Variants in CD2AP observed in about 807,000 individuals in gnomAD.
The protein encoded by CD2AP is CD2 associated protein.
A neutral mutation model predicts 85.1 loss-of-function variants in CD2AP; 46 were observed. The observed-to-expected ratio is 0.54, with a 90% CI of 0.43 to 0.69. The LOEUF is 0.69. CD2AP is among the 30% of genes least tolerant of loss of function. The probability of loss-of-function intolerance (pLI) is 0.00; values close to 1 mark genes in which losing one functional copy is unlikely to be tolerated. For synonymous variants in CD2AP, 255 were observed against 252.9 expected, an observed-to-expected ratio of 1.01 and a Z score of -0.08; for missense variants, 769 against 729.5, an observed-to-expected ratio of 1.05 and a Z score of -0.62.
At chr6:47,586,873 G>A (rs889389533) in intron 11 of CD2AP, among the ~76,000 whole-genome samples, 1 of 152,074 alleles carries the variant, frequency 6.6e-6, no homozygotes, top group Non-Finnish European at 1.5e-5. Flanking sequence ...GGAGTTTTAG[G>A]GTAGATATGA....
intron 11 of CD2AP, among the ~76,000 whole-genome samples, chr6:47,589,416 A>G (rs1206548062): frequency 6.6e-6 from 1 of 151,216 alleles, no homozygotes; most frequent in Admixed American, 6.6e-5. Context: ...ACACACATAT[A>G]TATACACAAA....
At chr6:47,554,163 G>A (rs1339097115) in intron 4 of CD2AP, among the ~76,000 whole-genome samples, 2 of 151,986 alleles carry the variant, frequency 1.3e-5, no homozygotes, top group Admixed American at 6.6e-5. Context: ...TGCCTACCTT[G>A]GGCTCTCAAA....
intron 2 of CD2AP, among the ~76,000 whole-genome samples, chr6:47,509,887 C>A (rs982850805): frequency 6.6e-6 from 1 of 151,870 alleles, no homozygotes; most frequent in Non-Finnish European, 1.5e-5. Context: ...TATAGAACAC[C>A]GATTTCAAAA....
At chr6:47,559,013 G>T (rs1162089966) in intron 5 of CD2AP, among the ~76,000 whole-genome samples, 8 of 152,076 alleles carry the variant, frequency 5.3e-5, no homozygotes, top group Admixed American at 5.2e-4. Flanking sequence ...CTTGTTATTG[G>T]TCTATTCAGG....
intron 1 of CD2AP, among the ~76,000 whole-genome samples, chr6:47,495,921 A>C (rs185521943): frequency 6.6e-6 from 1 of 152,312 alleles, no homozygotes; most frequent in South Asian, 2.1e-4. Context: ...ATACCATACA[A>C]GGATCTTGGA....
At chr6:47,599,534 A>G in intron 13 of CD2AP, 91 bp downstream of exon 13, 1 of 1,042,356 alleles carries the variant, frequency 9.6e-7, no homozygotes, top group Non-Finnish European at 1.4e-6. Context: ...TTGTGTGTGG[A>G]TAAAGTTGGA....
At chr6:47,568,126 G>A (rs1294194636) in intron 5 of CD2AP, among the ~76,000 whole-genome samples, 2 of 152,144 alleles carry the variant, frequency 1.3e-5, no homozygotes, top group African/African-American at 4.8e-5. Context: ...CTGCTACCAG[G>A]TTTTTGGCTT....
intron 2 of CD2AP, 114 bp downstream of exon 2, chr6:47,503,554 A>G: frequency 1.0e-6 from 1 of 980,440 alleles, no homozygotes; most frequent in Non-Finnish European, 1.6e-6. Flanking sequence ...TTTTCTTTGT[A>G]ACATTTAAGA....
chr6:47,533,659 C>T lies in CD2AP; in HGVS notation c.223C>T (p.His75Tyr). ...DDSLPIKRER[H>Y]GNVASLVQRI... ...CAGTTTGCCCATCAAACGGGAAAGG[C>T]ATGGGAATGTAGCAAGTCTTGTACA... The change falls in exon 3 of 18, where the codon CAT becomes TAT. Residue 75 changes from histidine to tyrosine, a missense_variant. Transcript: ENST00000359314. The T allele has an allele frequency of 6.2e-7, 1 of 1,614,008 alleles. No individual in the cohort carries two copies. Among genetic ancestry groups the T allele is most frequent in the Non-Finnish European group, 8.5e-7 (1 of 1,179,940 alleles).
At chr6:47,610,658 A>T (rs1486036782) in intron 16 of CD2AP, among the ~76,000 whole-genome samples, 1 of 151,806 alleles carries the variant, frequency 6.6e-6, no homozygotes, top group Non-Finnish European at 1.5e-5. Flanking sequence ...TATGTTTTAT[A>T]TATTATGTAT....
At chr6:47,601,275 G>A (rs776187598) in intron 13 of CD2AP, among the ~76,000 whole-genome samples, 11 of 151,834 alleles carry the variant, frequency 7.2e-5, no homozygotes, top group Non-Finnish European at 1.6e-4. Flanking sequence ...GGAACAGGGT[G>A]TGAAAACATC....
intron 2 of CD2AP, among the ~76,000 whole-genome samples, chr6:47,503,746 A>G (rs1305298401): frequency 1.3e-5 from 2 of 152,242 alleles, no homozygotes; most frequent in African/African-American, 4.8e-5. Flanking sequence ...TAATTTATAA[A>G]GCAGGCTTGC....
chr6:47,551,679 G>A (rs1279966676), intron 4 of CD2AP, among the ~76,000 whole-genome samples: 1 of 152,166 alleles, frequency 6.6e-6, no homozygotes, highest in Non-Finnish European at 1.5e-5. Flanking sequence ...ATGCCTGTGA[G>A]TCAAGAATTC....
At chr6:47,490,129 C>T (rs1031568136) in intron 1 of CD2AP, among the ~76,000 whole-genome samples, 7 of 151,958 alleles carry the variant, frequency 4.6e-5, no homozygotes, top group African/African-American at 9.7e-5. Context: ...CATGTGCCAT[C>T]GCACCTGGCT....
intron 11 of CD2AP, among the ~76,000 whole-genome samples, chr6:47,582,628 T>C (rs987509411): frequency 1.3e-5 from 2 of 152,152 alleles, no homozygotes; most frequent in South Asian, 2.1e-4. Context: ...TTGAATACTA[T>C]TTTAGAATGC....
chr6:47,597,147 G>T (rs1421753273), intron 12 of CD2AP, among the ~76,000 whole-genome samples: 1 of 150,696 alleles, frequency 6.6e-6, no homozygotes, highest in East Asian at 1.9e-4. Flanking sequence ...TAAAACACTT[G>T]GGGGAATTAT....
intron 1 of CD2AP, among the ~76,000 whole-genome samples, chr6:47,492,940 T>C (rs1217582322): frequency 6.6e-6 from 1 of 152,240 alleles, no homozygotes; most frequent in Non-Finnish European, 1.5e-5. Context: ...TATACATTTA[T>C]AACTAATGTT....
chr6:47,517,341 G>A (rs1766477793), intron 2 of CD2AP, among the ~76,000 whole-genome samples: 1 of 151,500 alleles, frequency 6.6e-6, no homozygotes, highest in Admixed American at 6.6e-5. Context: ...GGAGTGCAGT[G>A]GTGCGGTGCG....
chr6:47,509,824 A>G (rs917463232), intron 2 of CD2AP, among the ~76,000 whole-genome samples: 2 of 152,218 alleles, frequency 1.3e-5, no homozygotes, highest in Non-Finnish European at 2.9e-5. Flanking sequence ...ATGGGCTCTA[A>G]TACATTTTTT....
Sources: allele counts gnomAD v4.1 joint callset (sites outside exome capture counted in the v4.1 genomes callset), GRCh38; gene constraint gnomAD v4.1.1; transcripts MANE v1.5; gene names NCBI Gene and HGNC (gene_info 2026-07-23, HGNC 2026-07-21).